Variants in SMG7 observed in about 807,000 individuals in gnomAD.
SMG7 encodes SMG7 nonsense mediated mRNA decay factor.
SMG7 carries 34 observed loss-of-function variants against 148.2 expected under a neutral mutation model. The observed-to-expected ratio is 0.23, with a 90% CI of 0.17 to 0.31. The LOEUF (loss-of-function observed/expected upper bound fraction) is 0.31, where lower values mean the gene tolerates loss of function less well. Among genes scored for constraint, SMG7 ranks in the 10% least tolerant of loss-of-function variants. The pLI is 1.00. For synonymous variants in SMG7, 492 were observed against 515.1 expected (o/e 0.96, Z 0.61); for missense variants, 1,114 against 1,408.4 (o/e 0.79, Z 3.35).
chr1:183,546,638 C>A (rs1043823441), intron 17 of SMG7, among the ~76,000 whole-genome samples: 2 of 152,148 alleles, frequency 1.3e-5, no homozygotes, highest in African/African-American at 4.8e-5. Flanking sequence ...CTCAGTTGGG[C>A]TGAATCATCT....
At chr1:183,540,952 A>T in intron 12 of SMG7, 32 bp from the exon 13 acceptor site, 1 of 1,606,402 alleles carries the variant, frequency 6.2e-7, no homozygotes, top group South Asian at 1.1e-5. Context: ...TAGCAATTTA[A>T]TATTCTCATA....
intron 1 of SMG7, among the ~76,000 whole-genome samples, chr1:183,501,671 A>G (rs1659748280): frequency 6.6e-6 from 1 of 152,154 alleles, no homozygotes; most frequent in South Asian, 2.1e-4. Flanking sequence ...GTCTGTCTCT[A>G]CATTAGATTT....
rs750452111 is a variant in SMG7, at chr1:183,544,944, A to G, written c.2002A>G (p.Thr668Ala). 7.4e-6 allele frequency: 12 copies of G among 1,613,278 alleles called. No homozygotes were observed. Among genetic ancestry groups the G allele is most frequent in the Admixed American group, 1.7e-5 (1 of 59,966 alleles). ...CTGTTTTGAAGGGTTTCCGCCCCCA[A>G]CATATGTTATCCCCCCGCCTGTGGC... ...LPSRPGFPPP[T>A]YVIPPPVAFS... Residue 668 changes from threonine (T) to alanine (A), a missense_variant, in exon 16 of 23, where the codon ACA (threonine) becomes GCA (alanine). Coordinates refer to ENST00000688051, the MANE Select transcript of SMG7 (RefSeq NM_001375584.1).
At chr1:183,545,845 T>C in intron 16 of SMG7, 121 bp from the exon 17 acceptor site, 1 of 1,162,362 alleles carries the variant, frequency 8.6e-7, no homozygotes, top group Non-Finnish European at 1.2e-6. Flanking sequence ...AGGAAACTGC[T>C]GCCTTGCCTA....
chr1:183,533,461 C>T, intron 9 of SMG7, 135 bp downstream of exon 9: 1 of 1,021,268 alleles, frequency 9.8e-7, no homozygotes, highest in Non-Finnish European at 1.4e-6. Context: ...TTCATAATAA[C>T]TTTCAACCCC....
rs748699198 is a variant in SMG7 at position 183,546,219 on chromosome 1, A to G, written c.2624A>G (p.Tyr875Cys). The G allele has an allele frequency of 6.2e-7, 1 of 1,614,046 alleles. No homozygotes were observed. The highest frequency in any genetic ancestry group is 8.5e-7 in the Non-Finnish European group (1 of 1,179,972). Reference sequence around the variant, plus strand: ...CCAGAATTCTACTGGGATTCTTCCTACAGCATGGCTGATAACAGATCTGTA... The same window carrying G: ...CCAGAATTCTACTGGGATTCTTCCTGCAGCATGGCTGATAACAGATCTGTA... Reference protein sequence around the residue: ...KVPEFYWDSSYSMADNRSVMA... With the variant: ...KVPEFYWDSSCSMADNRSVMA... Residue 875 changes from tyrosine to cysteine, a missense_variant, in exon 17 of 23, where the codon TAC (tyrosine) becomes TGC (cysteine). Transcript: ENST00000688051.
rs1671166150 is a variant in SMG7 at position 183,552,109 on chromosome 1, A to G, written c.*178A>G. 7.7e-7 allele frequency: 1 copy of G among 1,298,902 alleles called. No homozygotes were observed. The highest frequency in any genetic ancestry group is 3.6e-5 in the Admixed American group (1 of 27,988). 80.5% of individuals were successfully genotyped at this position (1,298,902 alleles called of 1,614,324 possible). Reference sequence around the variant, plus strand: ...CACGAAATGTTCGCAGTGCAACAAAAAGAAAAATCCATCAGGAACTCTCCG... The same window carrying G: ...CACGAAATGTTCGCAGTGCAACAAAGAGAAAAATCCATCAGGAACTCTCCG... On this transcript the variant is annotated 3_prime_UTR_variant, in exon 23 of 23. Transcript: ENST00000688051.
chr1:183,520,862 G>C lies in SMG7; in HGVS notation c.312+3042G>C, dbSNP rs141173319. Among the ~76,000 whole-genome samples, 25 of 152,166 alleles carry C rather than the reference G, an allele frequency of 1.6e-4. No homozygotes were observed. In the East Asian group the frequency reaches 4.6e-3, roughly 28 times the overall value. ...ATAAGCAAGGGAATAATAAAATCAT[G>C]TAAATGTCTCAAAAATTGTTTTTTA... On this transcript the variant is annotated intron_variant, in intron 4 of 22. Coordinates refer to ENST00000688051, the MANE Select transcript of SMG7 (RefSeq NM_001375584.1).
intron 1 of SMG7, among the ~76,000 whole-genome samples, chr1:183,490,674 C>T (rs1656726790): frequency 6.6e-6 from 1 of 152,078 alleles, no homozygotes; most frequent in African/African-American, 2.4e-5. Flanking sequence ...ATCAAATTCT[C>T]TATGTAATAA....
intron 10 of SMG7, 62 bp from the exon 11 acceptor site, chr1:183,537,083 T>A (rs1667923524): frequency 2.6e-6 from 3 of 1,150,470 alleles, no homozygotes; most frequent in Non-Finnish European, 4.0e-6. Context: ...TTTTCATGGC[T>A]TATTAGTGTT....
intron 12 of SMG7, 125 bp from the exon 13 acceptor site, chr1:183,540,859 A>T: frequency 2.8e-6 from 2 of 707,164 alleles, no homozygotes; most frequent in Non-Finnish European, 4.6e-6. Flanking sequence ...GCAGTTGATT[A>T]CATCAAGTAG....
chr1:183,528,185 A>G (rs953136841), intron 6 of SMG7, among the ~76,000 whole-genome samples, 158 bp downstream of exon 6: 1 of 152,196 alleles, frequency 6.6e-6, no homozygotes, highest in Non-Finnish European at 1.5e-5. Flanking sequence ...CATGTAAACT[A>G]AAATGAATTT....
At position 183,472,638 on chromosome 1, in the gene SMG7, G is replaced by C; in HGVS notation, c.18G>C (p.Ala6=). The C allele has an allele frequency of 1.4e-6, 2 of 1,470,122 alleles. No homozygotes were observed. Among genetic ancestry groups the C allele is most frequent in the Non-Finnish European group, 1.8e-6 (2 of 1,101,180 alleles). The allele number at this position is 1,470,122 out of a possible 1,614,324, so 91.1% of individuals were successfully genotyped here. The change falls in exon 1 of 23, where the codon GCG becomes GCC. Residue 6 remains alanine, a synonymous_variant. Transcript: ENST00000688051. MSLQS[A]QYLRQAEVLK... ...GGCGGAGGATGAGCCTGCAGAGCGC[G>C]CAGTACCTCCGGTGAGTGCCGAGGC... is the stretch of plus-strand genomic sequence containing the variant.
chr1:183,502,481 G>T, intron 1 of SMG7: 1 of 1,011,944 alleles, frequency 9.9e-7, no homozygotes, highest in Non-Finnish European at 1.3e-6. Flanking sequence ...AATAAAATTA[G>T]AAACTTCCTG....
At chr1:183,538,327 A>G in intron 11 of SMG7, 53 bp from the exon 12 acceptor site, 10 of 1,280,980 alleles carry the variant, frequency 7.8e-6, no homozygotes, top group Non-Finnish European at 1.1e-5. Flanking sequence ...ACAGTATTCC[A>G]CCAAACAACA....
At chr1:183,501,750 T>G (rs924931403) in intron 1 of SMG7, among the ~76,000 whole-genome samples, 1 of 152,184 alleles carries the variant, frequency 6.6e-6, no homozygotes, top group African/African-American at 2.4e-5. Context: ...ACTGTATCTA[T>G]GATATAAAAA....
chr1:183,510,445 G>C (rs1266707454), intron 1 of SMG7, among the ~76,000 whole-genome samples: 1 of 152,044 alleles, frequency 6.6e-6, no homozygotes, highest in African/African-American at 2.4e-5. Context: ...CTGAAGTGAA[G>C]AGTGAAGTCA....
chr1:183,532,089 T>G (rs1358765541), intron 8 of SMG7, among the ~76,000 whole-genome samples: 2 of 152,188 alleles, frequency 1.3e-5, no homozygotes, highest in Admixed American at 6.6e-5. Flanking sequence ...TGTAAAAGAC[T>G]TCCCTCTTAG....
chr1:183,481,093 A>T (rs1187471703), intron 1 of SMG7, among the ~76,000 whole-genome samples: 1 of 152,152 alleles, frequency 6.6e-6, no homozygotes, highest in Admixed American at 6.5e-5. Flanking sequence ...GTATTTGTAT[A>T]TGGCTTTCAC....
Sources: gnomAD v4.1 joint callset for allele counts (sites outside exome capture counted in the v4.1 genomes callset) on GRCh38, gnomAD v4.1.1 for gene constraint, MANE v1.5 for transcripts, NCBI Gene and HGNC (gene_info 2026-07-23, HGNC 2026-07-21) for gene names.